COMMD9: variants seen among roughly 807,000 people sequenced by gnomAD.
The protein encoded by COMMD9 is COMM domain containing 9.
Under a neutral mutation model 23.4 loss-of-function variants are expected in COMMD9, and 22 were observed. The observed-to-expected ratio is 0.94, with a 90% CI of 0.67 to 1.34. The LOEUF is 1.34. Ranked by LOEUF, COMMD9 falls within the 40% of genes most tolerant of loss-of-function variation. The pLI, the probability that COMMD9 is intolerant of heterozygous loss-of-function variation, is 0.00. For missense variants in COMMD9, 231 were observed against 240.2 expected (o/e 0.96, Z 0.25); for synonymous variants, 99 against 97.4 (o/e 1.02, Z -0.10).
chr11:36,274,569 TG>T lies in COMMD9; in HGVS notation c.*62del. 2.5e-6 allele frequency: 4 copies of T among 1,601,940 alleles called. No homozygotes were observed. The South Asian group carries it at 4.4e-5, about 18-fold the overall frequency. On this transcript the variant is annotated 3_prime_UTR_variant, in exon 6 of 6. Coordinates refer to ENST00000263401, the MANE Select transcript of COMMD9 (RefSeq NM_014186.4). ...TGCAGCTGCAAGGGCAGCCTGCATA[TG>T]GGGAGACATTTATCACTCATGAGCA...
At chr11:36,277,039 G>A (rs1855983444) in intron 4 of COMMD9, 50 bp downstream of exon 4, 3 of 1,524,574 alleles carry the variant, frequency 2.0e-6, no homozygotes, top group East Asian at 2.3e-5. Context: ...ACTGAGAGCT[G>A]GGGCTGGGGA....
intron 1 of COMMD9, 85 bp from the exon 2 acceptor site, chr11:36,280,922 G>A (rs927286398): frequency 4.5e-6 from 6 of 1,326,976 alleles, no homozygotes; most frequent in Non-Finnish European, 5.0e-6. Context: ...TGTCATACAT[G>A]ATACCTTTGA....
At chr11:36,276,106 CT>C in intron 5 of COMMD9, 30 bp downstream of exon 5, 2 of 1,537,070 alleles carry the variant, frequency 1.3e-6, no homozygotes, top group Non-Finnish European at 1.8e-6. Flanking sequence ...GGTGCTGCCT[CT>C]TCTTTCTAAT....
intron 5 of COMMD9, among the ~76,000 whole-genome samples, chr11:36,275,446 CTTT>C (rs11458932): frequency 4.9e-5 from 7 of 142,484 alleles, no homozygotes; most frequent in African/African-American, 5.1e-5. Flanking sequence ...CTAGTAGAAA[CTTT>C]TTTTTTTTTT....
At position 36,274,579 on chromosome 11, in the gene COMMD9, T is replaced by G. The variant is rs1855936775; in HGVS notation, c.*53A>C. On this transcript the variant is annotated 3_prime_UTR_variant, in exon 6 of 6. Coordinates refer to ENST00000263401, the MANE Select transcript of COMMD9 (RefSeq NM_014186.4). ...AGGGCAGCCTGCATATGGGGAGACA[T>G]TTATCACTCATGAGCAGCTGGGTCA... The G allele has an allele frequency of 6.2e-7, 1 of 1,608,902 alleles. No homozygotes were observed. Among genetic ancestry groups the G allele is most frequent in the South Asian group, 1.1e-5 (1 of 90,594 alleles).
intron 4 of COMMD9, 23 bp downstream of exon 4, chr11:36,277,066 G>C: frequency 6.3e-7 from 1 of 1,594,720 alleles, no homozygotes; most frequent in Non-Finnish European, 8.5e-7. Context: ...TAAGAAGGGA[G>C]GGGCAGATTT....
At position 36,289,350 on chromosome 11, in the gene COMMD9, C is replaced by T. The variant is rs1202240564; in HGVS notation, c.51+12G>A. The T allele has an allele frequency of 1.3e-6, 2 of 1,551,454 alleles. No individual in the cohort carries two copies. The highest frequency in any genetic ancestry group is 3.9e-5 in the Admixed American group (2 of 50,972). Reference sequence around the variant, plus strand: ...AGGGCCACCTCACGCTGTCCCCACCCCTTCGACTTACCTTGAGCAGGCTCT... The same window carrying T: ...AGGGCCACCTCACGCTGTCCCCACCTCTTCGACTTACCTTGAGCAGGCTCT... On this transcript the variant is annotated intron_variant, in intron 1 of 5. Coordinates refer to ENST00000263401, the MANE Select transcript of COMMD9 (RefSeq NM_014186.4).
chr11:36,286,430 G>GA (rs1190966654), intron 1 of COMMD9, among the ~76,000 whole-genome samples: 1 of 61,980 alleles, frequency 1.6e-5, no homozygotes, highest in Non-Finnish European at 3.4e-5. Flanking sequence ...AAGAAAGAAA[G>GA]AAAGAAAAGA....
intron 1 of COMMD9, among the ~76,000 whole-genome samples, chr11:36,288,554 A>G (rs1173400166): frequency 6.6e-6 from 1 of 152,128 alleles, no homozygotes; most frequent in Non-Finnish European, 1.5e-5. Flanking sequence ...TGTAATCCCA[A>G]CACTTTGGAA....
At chr11:36,278,128 C>T in intron 3 of COMMD9, 1 of 211,246 alleles carries the variant, frequency 4.7e-6, no homozygotes, top group East Asian at 1.7e-4. Context: ...TTAACCATTA[C>T]AATGATATTG....
chr11:36,283,883 T>C (rs949807682), intron 1 of COMMD9, among the ~76,000 whole-genome samples: 2 of 152,154 alleles, frequency 1.3e-5, no homozygotes, highest in Non-Finnish European at 2.9e-5. Context: ...GGCAGGTGGA[T>C]AGCTTGAGCC....
intron 1 of COMMD9, among the ~76,000 whole-genome samples, chr11:36,287,082 G>A (rs1298568555): frequency 2.7e-5 from 4 of 146,210 alleles, no homozygotes; most frequent in East Asian, 2.0e-4. Context: ...CGCGTAGTAT[G>A]TATACTACAT....
At chr11:36,278,850 T>C (rs1176603052) in intron 2 of COMMD9, among the ~76,000 whole-genome samples, 2 of 152,262 alleles carry the variant, frequency 1.3e-5, no homozygotes, top group African/African-American at 4.8e-5. Flanking sequence ...CCTAGGAAGC[T>C]GACAGCTTGT....
At chr11:36,286,460 G>A (rs1195438385) in intron 1 of COMMD9, among the ~76,000 whole-genome samples, 1 of 148,954 alleles carries the variant, frequency 6.7e-6, no homozygotes, top group Admixed American at 6.7e-5. Flanking sequence ...TCAGCCTGGA[G>A]GGGTGGTGGG....
In COMMD9 at chr11:36,273,995, C is replaced by A; in HGVS notation, c.*637G>T. 1 of 199,556 alleles carries A rather than the reference C, an allele frequency of 5.0e-6. No individual in the cohort carries two copies. Among genetic ancestry groups the A allele is most frequent in the Non-Finnish European group, 1.1e-5 (1 of 94,202 alleles). 12.4% of individuals were successfully genotyped at this position (199,556 alleles called of 1,614,324 possible). On this transcript the variant is annotated 3_prime_UTR_variant, in exon 6 of 6. Coordinates refer to ENST00000263401, the MANE Select transcript of COMMD9 (RefSeq NM_014186.4). ...AACTGTTGTTTAGTTCCAATTATTC[C>A]CACTTCTTCACCTAGGAGTGGCTGC...
At chr11:36,280,874 C>CA (rs995278321) in intron 1 of COMMD9, 37 bp from the exon 2 acceptor site, 3 of 1,515,126 alleles carry the variant, frequency 2.0e-6, no homozygotes, top group Non-Finnish European at 2.7e-6. Context: ...AAAAAAAACT[C>CA]AGACTCTGAA....
At chr11:36,280,669 A>G in intron 2 of COMMD9, 43 bp downstream of exon 2, 1 of 1,523,508 alleles carries the variant, frequency 6.6e-7, no homozygotes, top group Non-Finnish European at 8.8e-7. Flanking sequence ...AAAGAGACTA[A>G]TAAGAGGGCC....
At chr11:36,282,775 G>T (rs1363319324) in intron 1 of COMMD9, among the ~76,000 whole-genome samples, 1 of 152,190 alleles carries the variant, frequency 6.6e-6, no homozygotes, top group African/African-American at 2.4e-5. Context: ...GGGGGAAATG[G>T]GTCACATGAT....
At chr11:36,287,119 CTACA>C (rs1410766847) in intron 1 of COMMD9, among the ~76,000 whole-genome samples, 12 of 83,538 alleles carry the variant, frequency 1.4e-4, no homozygotes, top group African/African-American at 3.9e-4. Context: ...AGTATGTATA[CTACA>C]TACTATGTAT....
Sources: gnomAD v4.1 joint callset for allele counts (sites outside exome capture counted in the v4.1 genomes callset) on GRCh38, gnomAD v4.1.1 for gene constraint, MANE v1.5 for transcripts, NCBI Gene and HGNC (gene_info 2026-07-23, HGNC 2026-07-21) for gene names.